DYNC1H1: variants seen among roughly 807,000 people sequenced by gnomAD.
The protein encoded by DYNC1H1 is dynein cytoplasmic 1 heavy chain 1.
Under a neutral mutation model 527.1 loss-of-function variants are expected in DYNC1H1, and 51 were observed. The observed-to-expected ratio is 0.10, with a 90% CI of 0.08 to 0.12. The LOEUF (loss-of-function observed/expected upper bound fraction) is 0.12, where lower values mean the gene tolerates loss of function less well. Ranked by LOEUF, DYNC1H1 falls within the 10% of genes least tolerant of loss-of-function variation. The pLI, the probability that DYNC1H1 is intolerant of heterozygous loss-of-function variation, is 1.00. For missense variants in DYNC1H1, 2,771 were observed against 5,971.8 expected, an observed-to-expected ratio of 0.46 and a Z score of 17.66; for synonymous variants, 2,189 against 2,278.8, an observed-to-expected ratio of 0.96 and a Z score of 1.12.
Position 102,015,989 on chromosome 14 carries a change from T to A in DYNC1H1, c.7376T>A (p.Phe2459Tyr). The change falls in exon 36 of 78, where the codon TTC becomes TAC. Residue 2459 changes from phenylalanine (F) to tyrosine (Y), a missense_variant. Physicochemically the swap from Phe to Tyr is conservative, Grantham distance 22 (BLOSUM62 3). This residue lies in a region of DYNC1H1 where 122 missense variants were observed against 168.4 expected (regional missense o/e 0.72). Transcript: ENST00000360184. This position sits in a 1 kb window ranked among gnomAD's most constrained non-coding sequence, Gnocchi z 6.9. The stretch of plus-strand genomic sequence containing the variant: ...CGCCTGCGCTGCCTGGGCTCGCTCT[T>A]CTCCATGCTGCACCAGGCCTGCCGC... ...LTRLRCLGSL[F>Y]SMLHQACRNV... 1 of 1,613,888 alleles carries A rather than the reference T, an allele frequency of 6.2e-7. No individual in the cohort carries two copies. Among genetic ancestry groups the A allele is most frequent in the Non-Finnish European group, 8.5e-7 (1 of 1,179,988 alleles).
At position 102,043,894 on chromosome 14, in the gene DYNC1H1, G is replaced by A. The variant is rs2152597456; in HGVS notation, c.12533G>A (p.Arg4178His). 1 of 1,614,184 alleles carries A rather than the reference G, an allele frequency of 6.2e-7. No individual in the cohort carries two copies. Among genetic ancestry groups the A allele is most frequent in the Non-Finnish European group, 8.5e-7 (1 of 1,180,038 alleles). ...CACCAGTCTCCCAACGAGCGTGCCC[G>A]CTTGTACTTCCTGCTGGCCTGGTTT... ...RICKSPNERA[R>H]LYFLLAWFHA... Residue 4178 changes from arginine (R) to histidine (H), a missense_variant, in exon 70 of 78, where the codon CGC becomes CAC. By Grantham distance (29) the Arg-to-His change is conservative. Around this residue, in one of 32 missense-constraint regions of DYNC1H1, gnomAD observed 195 missense variants for 428.6 expected, o/e 0.45. Coordinates refer to ENST00000360184, the MANE Select transcript of DYNC1H1 (RefSeq NM_001376.5).
intron 69 of DYNC1H1, chr14:102,043,135 T>C (rs561689923): frequency 3.6e-5 from 12 of 330,582 alleles, no homozygotes; most frequent in Non-Finnish European, 6.0e-5. Context: ...TATAAAAAAT[T>C]AGCCAGGCGT....
Position 101,986,385 on chromosome 14 carries a change from C to T in DYNC1H1, c.2160C>T (p.Ile720=), listed in dbSNP as rs763236829. 1.9e-5 allele frequency: 30 copies of T among 1,614,000 alleles called. No homozygotes were observed. The Admixed American group carries it at 2.0e-4, about 11-fold the overall frequency. Residue 720 remains isoleucine, a synonymous_variant, in exon 8 of 78, where the codon ATC becomes ATT. Transcript: ENST00000360184. The surrounding 1 kb of genome is among the most constrained non-coding windows in gnomAD (Gnocchi z 8.7). ...GTGTCTCGGGGCGCATTTTCACCAT[C>T]GAAAGTACTCGGGTTCGGGGCCGAA... ...NLGVSGRIFT[I]ESTRVRGRTG...
chr14:102,015,904 G>A lies in DYNC1H1; in HGVS notation c.7291G>A (p.Gly2431Ser), dbSNP rs773669775. 5.0e-6 allele frequency: 8 copies of A among 1,614,070 alleles called. No homozygotes were observed. Among genetic ancestry groups the A allele is most frequent in the East Asian group, 2.2e-5 (1 of 44,898 alleles). ...CATGCAACCGTACTTCACGTCCAAC[G>A]GCCTGGTCACCAAGGCGCTAGAGCA... ...TIMQPYFTSN[G>S]LVTKALEHAF... The change falls in exon 36 of 78, where the codon GGC (glycine) becomes AGC (serine). Residue 2431 changes from glycine (G) to serine (S), a missense_variant. Gly to Ser is a moderately conservative substitution (Grantham distance 56, BLOSUM62 0). Around this residue, in one of 32 missense-constraint regions of DYNC1H1, gnomAD observed 122 missense variants for 168.4 expected, o/e 0.72. Transcript: ENST00000360184. The surrounding 1 kb of genome is among the most constrained non-coding windows in gnomAD (Gnocchi z 6.9).
chr14:102,033,050 A>G lies in DYNC1H1; in HGVS notation c.10080-15A>G, dbSNP rs1344749277. The G allele has an allele frequency of 1.2e-6, 2 of 1,608,958 alleles. No homozygotes were observed. Among genetic ancestry groups the G allele is most frequent in the Admixed American group, 1.7e-5 (1 of 60,006 alleles). On this transcript the variant is annotated splice_polypyrimidine_tract_variant and intron_variant, in intron 52 of 77. Transcript: ENST00000360184. This position sits in a 1 kb window ranked among gnomAD's most constrained non-coding sequence, Gnocchi z 5.6. ...TGTCCTGCATGTGTTTAGAAATATC[A>G]TTCGTCTTTTACAGTGACGCCATAA...
intron 16 of DYNC1H1, among the ~76,000 whole-genome samples, chr14:101,999,760 A>G (rs1361308230): frequency 1.3e-5 from 2 of 152,206 alleles, no homozygotes; most frequent in African/African-American, 4.8e-5. Flanking sequence ...AAATCAAGAG[A>G]TGCTCCACCA....
chr14:102,050,042 C>T (rs764587917), intron 76 of DYNC1H1, 29 bp from the exon 77 acceptor site: 20 of 1,523,026 alleles, frequency 1.3e-5, no homozygotes, highest in African/African-American at 5.4e-5. Context: ...GTGTTCACCT[C>T]AGCCTGGGTT....
chr14:102,009,535 C>A, intron 29 of DYNC1H1: 2 of 313,076 alleles, frequency 6.4e-6, no homozygotes, highest in East Asian at 7.0e-5. Context: ...ATTTGTTGGA[C>A]TGCATCTCTA....
At chr14:101,992,358 A>G (rs979891260) in intron 11 of DYNC1H1, among the ~76,000 whole-genome samples, 2 of 152,224 alleles carry the variant, frequency 1.3e-5, no homozygotes, top group South Asian at 2.1e-4. Context: ...GTTTCACCTA[A>G]TGCTGGGCAC....
At chr14:101,987,764 T>A in intron 9 of DYNC1H1, 132 bp downstream of exon 9, 1 of 1,073,812 alleles carries the variant, frequency 9.3e-7, no homozygotes, top group Non-Finnish European at 1.4e-6. Context: ...CTCCAAAATC[T>A]CATTTAACTA....
In DYNC1H1 at chr14:101,964,915, A is replaced by G. The variant is rs2047647000; in HGVS notation, c.224A>G (p.His75Arg). The G allele has an allele frequency of 6.2e-7, 1 of 1,600,622 alleles. No individual in the cohort carries two copies. Among genetic ancestry groups the G allele is most frequent in the Non-Finnish European group, 8.5e-7 (1 of 1,174,974 alleles). Residue 75 changes from histidine to arginine, a missense_variant, in exon 1 of 78, where the codon CAC (histidine) becomes CGC (arginine). His to Arg is a conservative substitution (Grantham distance 29). Around this residue, in one of 32 missense-constraint regions of DYNC1H1, gnomAD observed 101 missense variants for 105.3 expected, o/e 0.96. Coordinates refer to ENST00000360184, the MANE Select transcript of DYNC1H1 (RefSeq NM_001376.5). This position sits in a 1 kb window ranked among gnomAD's most constrained non-coding sequence, Gnocchi z 5.5. ...AAGTTCCTTTCGGACCCGCAGGTCC[A>G]CACGGTGCTGGTGGAGCGCTCCACG... is the stretch of plus-strand genomic sequence containing the variant. The part of the protein sequence containing the change: ...MRKFLSDPQV[H>R]TVLVERSTLK...
chr14:102,033,133 A>G lies in DYNC1H1; in HGVS notation c.10148A>G (p.Asn3383Ser). The part of the protein sequence containing the change: ...SNPSYNYEIV[N>S]RASLACGPMV... ...CCAAGTTACAATTATGAAATTGTGA[A>G]TCGGGCTTCCCTGGCTTGCGGCCCT... The change falls in exon 53 of 78, where the codon AAT becomes AGT. Residue 3383 changes from asparagine to serine, a missense_variant. Physicochemically the swap from Asn to Ser is conservative, Grantham distance 46. This residue lies in a region of DYNC1H1 where 283 missense variants were observed against 737.6 expected (regional missense o/e 0.38). Transcript: ENST00000360184. The surrounding 1 kb of genome is among the most constrained non-coding windows in gnomAD (Gnocchi z 5.6). 1 of 1,614,248 alleles carries G rather than the reference A, an allele frequency of 6.2e-7. No homozygotes were observed.
intron 72 of DYNC1H1, chr14:102,045,070 A>C (rs1016120809): frequency 3.4e-6 from 1 of 295,038 alleles, no homozygotes; most frequent in Admixed American, 4.5e-5. Flanking sequence ...TGGGAGGCCA[A>C]GGCGGGCAGA....
At position 102,040,606 on chromosome 14, in the gene DYNC1H1, C is replaced by T. The variant is rs748661090; in HGVS notation, c.11874C>T (p.Gly3958=). The T allele has an allele frequency of 1.1e-5, 17 of 1,614,096 alleles. No individual in the cohort carries two copies. The South Asian group carries it at 1.6e-4, about 16-fold the overall frequency. ...CACTATTGTCTCCACAGCAATTTGG[C>T]ATCTGGCTGGACAGCAGCTCCCCGG... is the stretch of plus-strand genomic sequence containing the variant. ...IAKVQADEQF[G]IWLDSSSPEQ... is the part of the protein sequence containing the mutation. Residue 3958 remains glycine, a synonymous_variant, in exon 64 of 78, where the codon GGC becomes GGT. Coordinates refer to ENST00000360184, the MANE Select transcript of DYNC1H1 (RefSeq NM_001376.5).
At position 102,029,890 on chromosome 14, in the gene DYNC1H1, C is replaced by G. The variant is rs1220860441; in HGVS notation, c.9714C>G (p.Asp3238Glu). Residue 3238 changes from aspartate to glutamate, a missense_variant, in exon 50 of 78, where the codon GAC becomes GAG. Coordinates refer to ENST00000360184, the MANE Select transcript of DYNC1H1 (RefSeq NM_001376.5). The surrounding 1 kb of genome is among the most constrained non-coding windows in gnomAD (Gnocchi z 5.3). Reference sequence around the variant, plus strand: ...AGGTGAAGAATGCAGCAGCCAATGACAAGCTGAAAAAGATGGTGAAAGACC... The same window carrying G: ...AGGTGAAGAATGCAGCAGCCAATGAGAAGCTGAAAAAGATGGTGAAAGACC... ...ELEVKNAAAN[D>E]KLKKMVKDQQ... is the part of the protein sequence containing the mutation. 6.2e-7 allele frequency: 1 copy of G among 1,613,942 alleles called. No individual in the cohort carries two copies. The highest frequency in any genetic ancestry group is 8.5e-7 in the Non-Finnish European group (1 of 1,180,024).
intron 5 of DYNC1H1, among the ~76,000 whole-genome samples, chr14:101,980,859 A>G (rs2047855272): frequency 6.6e-6 from 1 of 152,194 alleles, no homozygotes; most frequent in East Asian, 1.9e-4. Context: ...TCGGCTGTAC[A>G]ATTGGCACAA....
Position 102,002,365 on chromosome 14 carries a change from C to G in DYNC1H1, c.4543-172C>G, listed in dbSNP as rs1359794807. ...ACTTCAAGTGATCCACCCGCCTCGG[C>G]CTCCCAAAATGCTGGGATTACAGGC... On this transcript the variant is annotated intron_variant, in intron 21 of 77. Transcript: ENST00000360184. This position sits in a 1 kb window ranked among gnomAD's most constrained non-coding sequence, Gnocchi z 4.4. Among the ~76,000 whole-genome samples, 1 of 152,194 alleles carries G rather than the reference C, an allele frequency of 6.6e-6. No individual in the cohort carries two copies. The highest frequency in any genetic ancestry group is 2.4e-5 in the African/African-American group (1 of 41,450).
At chr14:102,000,793 C>T (rs761386561) in intron 18 of DYNC1H1, 161 bp from the exon 19 acceptor site, 7 of 678,228 alleles carry the variant, frequency 1.0e-5, no homozygotes, top group East Asian at 2.9e-5. Flanking sequence ...AGGCTGGTCT[C>T]GAACTCCCGA....
intron 56 of DYNC1H1, 30 bp downstream of exon 56, chr14:102,034,482 G>A: frequency 6.2e-7 from 1 of 1,612,240 alleles, no homozygotes; most frequent in Non-Finnish European, 8.5e-7. Context: ...GGAGAGGCAT[G>A]GGAGGAATGT....
Sources: allele counts gnomAD v4.1 joint callset (sites outside exome capture counted in the v4.1 genomes callset), GRCh38; gene constraint gnomAD v4.1.1; regional missense constraint gnomAD v4.1.1; non-coding constraint Gnocchi (gnomAD v3.1); transcripts MANE v1.5; gene names NCBI Gene and HGNC (gene_info 2026-07-23, HGNC 2026-07-21).